The following PTPRM variants were observed in gnomAD, a reference collection of about 807,000 sequenced individuals.
PTPRM encodes the protein receptor-type tyrosine-protein phosphatase mu.
PTPRM carries 47 observed loss-of-function variants against 186.7 expected under a neutral mutation model. The ratio of observed to expected loss-of-function variants is 0.25; its 90% confidence interval spans 0.20 to 0.32. The LOEUF (loss-of-function observed/expected upper bound fraction) is 0.32. Among genes scored for constraint, PTPRM ranks in the 10% least tolerant of loss-of-function variants. The pLI is 1.00. For missense variants in PTPRM, 1,494 were observed against 1,865.0 expected, an observed-to-expected ratio of 0.80 and a Z score of 3.66; for synonymous variants, 668 against 674.9, an observed-to-expected ratio of 0.99 and a Z score of 0.16.
chr18:8,290,337 AT>A (rs967523133), intron 19 of PTPRM, among the ~76,000 whole-genome samples: 8 of 152,136 alleles, frequency 5.3e-5, no homozygotes, highest in Admixed American at 4.6e-4. Flanking sequence ...CATACTGCAC[AT>A]TATGTACGGC....
At chr18:7,842,947 T>TATATATAG (rs370746043) in intron 2 of PTPRM, among the ~76,000 whole-genome samples, 1,389 of 112,012 alleles carry the variant, frequency 0.012, 35 homozygotes, top group African/African-American at 0.031. Context: ...TATATATATA[T>TATATATAG]AGAGAGAGAG....
At chr18:8,038,519 G>A (rs949881610) in intron 7 of PTPRM, among the ~76,000 whole-genome samples, 1 of 151,632 alleles carries the variant, frequency 6.6e-6, no homozygotes, top group Non-Finnish European at 1.5e-5. Flanking sequence ...AGCCTCCCAA[G>A]TAGCTGGAAT....
intron 7 of PTPRM, among the ~76,000 whole-genome samples, chr18:7,974,671 A>G (rs1301036428): frequency 6.6e-6 from 1 of 152,196 alleles, no homozygotes. Flanking sequence ...CCTCAACCCC[A>G]GGCTGGCTCT....
At chr18:8,007,279 G>A (rs975661617) in intron 7 of PTPRM, among the ~76,000 whole-genome samples, 1 of 151,972 alleles carries the variant, frequency 6.6e-6, no homozygotes, top group Admixed American at 6.6e-5. Context: ...TGGTACCTGC[G>A]TTCTATCTCT....
chr18:8,304,342 C>T (rs73396030), intron 20 of PTPRM, among the ~76,000 whole-genome samples: 2,640 of 152,262 alleles, frequency 0.017, 96 homozygotes, highest in African/African-American at 0.061. Context: ...TCGCATCACC[C>T]CAGTCCAATG....
intron 7 of PTPRM, chr18:8,049,225 T>A (rs996976526): frequency 1.2e-4 from 18 of 152,172 alleles, no homozygotes; most frequent in African/African-American, 4.3e-4. Context: ...AGATTCTAAT[T>A]TTGAGTGTAG....
At chr18:7,737,297 A>G (rs2040791434) in intron 1 of PTPRM, among the ~76,000 whole-genome samples, 1 of 147,468 alleles carries the variant, frequency 6.8e-6, no homozygotes, top group African/African-American at 2.5e-5. Context: ...GGGTTTTACC[A>G]TGTTGGCTGG....
intron 7 of PTPRM, among the ~76,000 whole-genome samples, chr18:8,021,400 T>C (rs1039334986): frequency 1.3e-5 from 2 of 151,174 alleles, no homozygotes; most frequent in African/African-American, 4.9e-5. Flanking sequence ...GTGTGCAGAG[T>C]GTGCAAGTAT....
At chr18:7,840,008 C>G (rs2046241804) in intron 2 of PTPRM, among the ~76,000 whole-genome samples, 2 of 150,642 alleles carry the variant, frequency 1.3e-5, no homozygotes, top group African/African-American at 4.9e-5. Context: ...GTGCTCCCCT[C>G]TCCCCAGCAC....
intron 1 of PTPRM, among the ~76,000 whole-genome samples, chr18:7,659,725 C>T (rs1349410285): frequency 1.3e-5 from 2 of 152,192 alleles, no homozygotes; most frequent in African/African-American, 4.8e-5. Flanking sequence ...ATATTCGTGA[C>T]ACATGTTTTC....
chr18:8,109,840 T>G (rs1163029867), intron 11 of PTPRM, among the ~76,000 whole-genome samples: 1 of 152,004 alleles, frequency 6.6e-6, no homozygotes, highest in Non-Finnish European at 1.5e-5. Context: ...GATGGAGGTG[T>G]GGGGGGCACA....
intron 7 of PTPRM, among the ~76,000 whole-genome samples, chr18:8,055,684 A>C (rs73385701): frequency 0.03 from 4,589 of 152,118 alleles, 230 homozygotes; most frequent in African/African-American, 0.11. Flanking sequence ...TATTTTTGTT[A>C]ATCTTTACTA....
chr18:8,055,734 G>A (rs1040851998), intron 7 of PTPRM, among the ~76,000 whole-genome samples: 6 of 152,140 alleles, frequency 3.9e-5, no homozygotes, highest in South Asian at 2.1e-4. Flanking sequence ...GTGAAAGTAG[G>A]AGGCCTATAT....
intron 1 of PTPRM, among the ~76,000 whole-genome samples, chr18:7,715,747 T>C (rs1388213975): frequency 2.0e-5 from 3 of 152,126 alleles, no homozygotes; most frequent in Non-Finnish European, 2.9e-5. Context: ...TGAGTGAATT[T>C]ACATTCACAA....
At position 8,163,193 on chromosome 18, in the gene PTPRM, A is replaced by G. The variant is rs557267945; in HGVS notation, c.2300+19414A>G. 2.8e-4 allele frequency among the ~76,000 whole-genome samples: 42 copies of G among 152,272 alleles called. 1 individual carries two copies. The highest frequency in any genetic ancestry group is 9.6e-4 in the African/African-American group (40 of 41,554). On this transcript the variant is annotated intron_variant, in intron 14 of 32. Coordinates refer to ENST00000580170, the MANE Select transcript of PTPRM (RefSeq NM_001105244.2). ...CTGTGCTGGTGCCTGGACTTAAACA[A>G]CCTATTCATTTGAATCTCCAAACAA...
chr18:8,165,126 G>A (rs1211838706), intron 14 of PTPRM, among the ~76,000 whole-genome samples: 7 of 148,362 alleles, frequency 4.7e-5, no homozygotes, highest in African/African-American at 1.3e-4. Context: ...CGGAGATCAC[G>A]CCACTGCACT....
At chr18:8,219,452 G>T (rs1444933792) in intron 14 of PTPRM, among the ~76,000 whole-genome samples, 1 of 142,046 alleles carries the variant, frequency 7.0e-6, no homozygotes, top group Admixed American at 7.4e-5. Context: ...GGGTGACAGA[G>T]CAAGAGTCCA....
chr18:7,855,790 T>C (rs1433116711), intron 2 of PTPRM, among the ~76,000 whole-genome samples: 1 of 152,226 alleles, frequency 6.6e-6, no homozygotes, highest in Non-Finnish European at 1.5e-5. Flanking sequence ...GCACATGAAC[T>C]ACATGGAGAG....
intron 23 of PTPRM, among the ~76,000 whole-genome samples, chr18:8,368,999 G>C (rs2095648672): frequency 6.6e-6 from 1 of 152,166 alleles, no homozygotes; most frequent in Non-Finnish European, 1.5e-5. Flanking sequence ...CATCTATGGA[G>C]GAGTCTTTGA....
Sources: gnomAD v4.1 joint callset for allele counts (sites outside exome capture counted in the v4.1 genomes callset) on GRCh38, gnomAD v4.1.1 for gene constraint, MANE v1.5 for transcripts, NCBI Gene and HGNC (gene_info 2026-07-23, HGNC 2026-07-21) for gene names.